The following KLHL24 variants were observed in gnomAD, a reference collection of about 807,000 sequenced individuals.
KLHL24 encodes kelch like family member 24.
A neutral mutation model predicts 53.4 loss-of-function variants in KLHL24; 29 were observed. The observed-to-expected ratio is 0.54, with a 90% CI of 0.40 to 0.74. KLHL24 has a LOEUF of 0.74. Ranked by LOEUF, KLHL24 falls within the 30% of genes least tolerant of loss-of-function variation. The pLI is 0.00. For synonymous variants in KLHL24, 222 were observed against 253.7 expected (o/e 0.88, Z 1.19); for missense variants, 504 against 744.0 (o/e 0.68, Z 3.75).
rs1283865257 is a variant in KLHL24, at chr3:183,680,649, T to G, written c.*1363T>G. 6.6e-6 allele frequency: 1 copy of G among 152,222 alleles called. No individual in the cohort carries two copies. The highest frequency in any genetic ancestry group is 2.4e-5 in the African/African-American group (1 of 41,468). The allele number at this position is 152,222 out of a possible 1,614,324, so 9.4% of individuals were successfully genotyped here. Reference sequence around the variant, plus strand: ...GTCTAGATTTCTCAACTCCACTTTATAAAGCTTATCAGTTTTCAGAGAGGA... The same window carrying G: ...GTCTAGATTTCTCAACTCCACTTTAGAAAGCTTATCAGTTTTCAGAGAGGA... On this transcript the variant is annotated 3_prime_UTR_variant, in exon 8 of 8. Transcript: ENST00000242810.
intron 3 of KLHL24, among the ~76,000 whole-genome samples, chr3:183,653,954 A>G (rs890772176): frequency 2.0e-4 from 30 of 152,152 alleles, no homozygotes; most frequent in African/African-American, 6.5e-4. Flanking sequence ...AACAATGTGT[A>G]TTATTTGTAC....
In KLHL24 at chr3:183,682,962, G is replaced by C. The variant is rs1357939161; in HGVS notation, c.*3676G>C. 1 of 149,042 alleles carries C rather than the reference G, an allele frequency of 6.7e-6. No individual in the cohort carries two copies. The highest frequency in any genetic ancestry group is 1.5e-5 in the Non-Finnish European group (1 of 66,576). 9.2% of individuals were successfully genotyped at this position (149,042 alleles called of 1,614,324 possible). Reference sequence around the variant, plus strand: ...GTTTTTTTTTTTTTTTGGGGAAGGGGGGAGAACGGGGTCTTGCTCTGTCGC... The same window carrying C: ...GTTTTTTTTTTTTTTTGGGGAAGGGCGGAGAACGGGGTCTTGCTCTGTCGC... On this transcript the variant is annotated 3_prime_UTR_variant, in exon 8 of 8. Coordinates refer to ENST00000242810, the MANE Select transcript of KLHL24 (RefSeq NM_017644.3).
intron 2 of KLHL24, among the ~76,000 whole-genome samples, chr3:183,643,746 C>T (rs567976636): frequency 6.8e-4 from 104 of 152,270 alleles, no homozygotes; most frequent in Non-Finnish European, 1.1e-3. Context: ...GAGCCTCATT[C>T]ATGTCTGATC....
chr3:183,643,029 G>A (rs1190078591), intron 1 of KLHL24: 1 of 152,214 alleles, frequency 6.6e-6, no homozygotes, highest in Admixed American at 6.5e-5. Flanking sequence ...TCGGGAGTTT[G>A]AGACCAGCCT....
intron 5 of KLHL24, among the ~76,000 whole-genome samples, chr3:183,668,803 G>A (rs1720933251): frequency 6.6e-6 from 1 of 152,144 alleles, no homozygotes; most frequent in Non-Finnish European, 1.5e-5. Flanking sequence ...TACTTGGGAG[G>A]CTGAGGCAGG....
intron 7 of KLHL24, among the ~76,000 whole-genome samples, chr3:183,674,744 C>G (rs896613515): frequency 6.6e-6 from 1 of 152,224 alleles, no homozygotes; most frequent in African/African-American, 2.4e-5. Flanking sequence ...CCACTTCATT[C>G]TAGACCTTCT....
Position 183,650,007 on chromosome 3 carries a change from CT to C in KLHL24, c.-61-288del, listed in dbSNP as rs1468236488. ...CTACAGTCAATAGTATGAAACTCAG[CT>C]CTGTAAATGGGGAGGAAACGGAAGG... On this transcript the variant is annotated intron_variant, in intron 2 of 7. Transcript: ENST00000242810. This position sits in a 1 kb window ranked among gnomAD's most constrained non-coding sequence, Gnocchi z 4.5. Among the ~76,000 whole-genome samples, 1 of 152,176 alleles carries C rather than the reference CT, an allele frequency of 6.6e-6. No individual in the cohort carries two copies. The highest frequency in any genetic ancestry group is 1.5e-5 in the Non-Finnish European group (1 of 68,038).
At chr3:183,676,958 C>G (rs2108899338) in intron 7 of KLHL24, among the ~76,000 whole-genome samples, 1 of 145,676 alleles carries the variant, frequency 6.9e-6, no homozygotes, top group South Asian at 2.2e-4. Context: ...TCGTTTCAGT[C>G]TTTAAAAATA....
chr3:183,642,510 C>G (rs1044860362), intron 1 of KLHL24, among the ~76,000 whole-genome samples: 1 of 148,392 alleles, frequency 6.7e-6, no homozygotes, highest in Non-Finnish European at 1.5e-5. Context: ...GGCCAGAAAC[C>G]AGAACCACTT....
At chr3:183,662,747 G>T (rs1033593266) in intron 3 of KLHL24, among the ~76,000 whole-genome samples, 1 of 152,094 alleles carries the variant, frequency 6.6e-6, no homozygotes. Flanking sequence ...TGATAGAAAT[G>T]GGGGGAGCCA....
chr3:183,682,300 A>G lies in KLHL24; in HGVS notation c.*3014A>G, dbSNP rs1712761944. 1.3e-5 allele frequency: 2 copies of G among 152,168 alleles called. No homozygotes were observed. The highest frequency in any genetic ancestry group is 2.9e-5 in the Non-Finnish European group (2 of 67,980). The allele number at this position is 152,168 out of a possible 1,614,324, so 9.4% of individuals were successfully genotyped here. A position where few individuals can be genotyped will look rare whatever the true frequency, so the allele number is the denominator to read the frequency against. ...TTTTTCCTCTATGTGAGTCAGCTACAAAAGTGGTCTAATTTTTACAACAGT... is the reference window on the plus strand; with the variant it reads ...TTTTTCCTCTATGTGAGTCAGCTACGAAAGTGGTCTAATTTTTACAACAGT... On this transcript the variant is annotated 3_prime_UTR_variant, in exon 8 of 8. Coordinates refer to ENST00000242810, the MANE Select transcript of KLHL24 (RefSeq NM_017644.3).
chr3:183,666,920 A>G (rs1450310844), intron 5 of KLHL24, among the ~76,000 whole-genome samples: 4 of 152,064 alleles, frequency 2.6e-5, no homozygotes, highest in East Asian at 1.9e-4. Flanking sequence ...AAAGCAGCAC[A>G]CTTGCTTTCG....
Position 183,658,123 on chromosome 3 carries a change from G to A in KLHL24, c.921-5335G>A, listed in dbSNP as rs182486502. On this transcript the variant is annotated intron_variant, in intron 3 of 7. Coordinates refer to ENST00000242810, the MANE Select transcript of KLHL24 (RefSeq NM_017644.3). ...AGCTACTTGGGAGGCTGAGGCTGGA[G>A]AATTGCTTGAACCCAGGACTCAGAG... Among the ~76,000 whole-genome samples, 134 of 151,090 alleles carry A rather than the reference G, an allele frequency of 8.9e-4. 1 individual carries two copies. The South Asian group carries it at 0.014, about 16-fold the overall frequency.
intron 3 of KLHL24, among the ~76,000 whole-genome samples, chr3:183,658,070 G>A (rs1719162890): frequency 6.6e-6 from 1 of 152,040 alleles, no homozygotes; most frequent in South Asian, 2.1e-4. Flanking sequence ...AAAATTAGCT[G>A]GGTGTGGTGG....
chr3:183,641,879 C>T (rs1448784251), intron 1 of KLHL24, among the ~76,000 whole-genome samples: 1 of 152,074 alleles, frequency 6.6e-6, no homozygotes, highest in Non-Finnish European at 1.5e-5. Context: ...GACTTTGTAC[C>T]CTCTCTCTTC....
At chr3:183,674,275 C>CTTTCTTTCTTTCTT (rs1721797842) in intron 7 of KLHL24, among the ~76,000 whole-genome samples, 1 of 150,254 alleles carries the variant, frequency 6.7e-6, no homozygotes, top group Non-Finnish European at 1.5e-5. Context: ...TTCTTTCTTT[C>CTTTCTTTCTTTCTT]TTTCTTTCTT....
intron 5 of KLHL24, among the ~76,000 whole-genome samples, chr3:183,665,704 C>T (rs970349994): frequency 6.6e-6 from 1 of 152,026 alleles, no homozygotes; most frequent in East Asian, 1.9e-4. Context: ...GAGCCAAGAT[C>T]GCACCACTGC....
chr3:183,654,683 G>C (rs9290766), intron 3 of KLHL24, among the ~76,000 whole-genome samples: 50,889 of 151,928 alleles, frequency 0.33, 9,379 homozygotes, highest in African/African-American at 0.49. Context: ...GCTAGGATTA[G>C]TCATTACATC....
At position 183,681,895 on chromosome 3, in the gene KLHL24, T is replaced by C. The variant is rs1159540968; in HGVS notation, c.*2609T>C. On this transcript the variant is annotated 3_prime_UTR_variant, in exon 8 of 8. Coordinates refer to ENST00000242810, the MANE Select transcript of KLHL24 (RefSeq NM_017644.3). Reference sequence around the variant, plus strand: ...TCATATGAACCTTTGGTTTAGAATCTATATATGTACATGTGTATGTATGTA... The same window carrying C: ...TCATATGAACCTTTGGTTTAGAATCCATATATGTACATGTGTATGTATGTA... 8.0e-3 allele frequency: 1,220 copies of C among 152,638 alleles called. 13 individuals carry two copies. Among genetic ancestry groups the C allele is most frequent in the African/African-American group, 0.028 (1,171 of 41,554 alleles). 9.5% of individuals were successfully genotyped at this position (152,638 alleles called of 1,614,324 possible).
Sources: allele counts gnomAD v4.1 joint callset (sites outside exome capture counted in the v4.1 genomes callset), GRCh38; gene constraint gnomAD v4.1.1; non-coding constraint Gnocchi (gnomAD v3.1); transcripts MANE v1.5; gene names NCBI Gene and HGNC (gene_info 2026-07-23, HGNC 2026-07-21).